Variants in IL1RAPL1 observed in about 807,000 individuals in gnomAD.
The protein encoded by IL1RAPL1 is interleukin-1 receptor accessory protein-like 1.
IL1RAPL1 carries 3 observed loss-of-function variants against 48.4 expected under a neutral mutation model. That is an observed-to-expected ratio of 0.06 (90% CI 0.03 to 0.16). The LOEUF is 0.16. Ranked by LOEUF, IL1RAPL1 falls within the 10% of genes least tolerant of loss-of-function variation. IL1RAPL1 has a pLI of 1.00. For synonymous variants in IL1RAPL1, 185 were observed against 187.7 expected, an observed-to-expected ratio of 0.99 and a Z score of 0.12; for missense variants, 349 against 530.6, an observed-to-expected ratio of 0.66 and a Z score of 3.36.
intron 1 of IL1RAPL1, among the ~76,000 whole-genome samples, chrX:28,615,245 T>G (rs1934205931): frequency 2.3e-5 from 2 of 85,654 alleles, no homozygotes. Flanking sequence ...ACCTACAAAT[T>G]GAATGAAATT....
At chrX:29,087,891 G>A (rs1927990376) in intron 2 of IL1RAPL1, among the ~76,000 whole-genome samples, 1 of 111,414 alleles carries the variant, frequency 9.0e-6, no homozygotes, top group African/African-American at 3.3e-5. Context: ...AAAAATTAAG[G>A]CATGGTAGCA....
chrX:29,048,952 A>G (rs1237511666), intron 2 of IL1RAPL1, among the ~76,000 whole-genome samples: 1 of 112,529 alleles, frequency 8.9e-6, no homozygotes, highest in Non-Finnish European at 1.9e-5. Flanking sequence ...CTTAGAATAG[A>G]CGAAATATAG....
At position 29,381,830 on chromosome X, in the gene IL1RAPL1, AAAAATATATATATATATAT is replaced by A. The variant is rs1356378537; in HGVS notation, c.363-14426_363-14408del. Among the ~76,000 whole-genome samples the A allele has an allele frequency of 4.6e-3, 151 of 32,617 alleles. 1 individual carries two copies. The highest frequency in any genetic ancestry group is 0.011 in the African/African-American group (140 of 13,128). 28.3% of individuals were successfully genotyped at this position (32,617 alleles called of 115,157 possible). A position where few individuals can be genotyped will look rare whatever the true frequency, so the allele number is the denominator to read the frequency against. On this transcript the variant is annotated intron_variant, in intron 3 of 10. Coordinates refer to ENST00000378993, the MANE Select transcript of IL1RAPL1 (RefSeq NM_014271.4). The stretch of plus-strand genomic sequence containing the variant: ...GACTGTTGCCAAAAAAAAAAAAAAA[AAAAATATATATATATATAT>A]ATATATATATATATACATATACTTA...
At chrX:28,669,693 A>T (rs1934926297) in intron 1 of IL1RAPL1, among the ~76,000 whole-genome samples, 1 of 104,494 alleles carries the variant, frequency 9.6e-6, no homozygotes, top group South Asian at 3.8e-4. Context: ...ATATAATTTT[A>T]TATATAAATT....
At chrX:29,188,956 C>T (rs943602367) in intron 2 of IL1RAPL1, among the ~76,000 whole-genome samples, 6 of 111,556 alleles carry the variant, frequency 5.4e-5, no homozygotes, top group Admixed American at 3.8e-4. Context: ...TTATTGCTTG[C>T]AAAATGTTTT....
At chrX:28,792,660 T>C (rs1248972236) in intron 2 of IL1RAPL1, among the ~76,000 whole-genome samples, 1 of 100,169 alleles carries the variant, frequency 1.0e-5, no homozygotes, top group Non-Finnish European at 2.0e-5. Flanking sequence ...TGGTGGCGGG[T>C]GCTTGTAGTC....
At chrX:29,146,491 C>T (rs948772106) in intron 2 of IL1RAPL1, among the ~76,000 whole-genome samples, 15 of 111,282 alleles carry the variant, frequency 1.3e-4, no homozygotes, top group African/African-American at 3.6e-4. Context: ...ACGCAACCAT[C>T]CCATTAGAAA....
At chrX:28,972,744 AC>A (rs1478323509) in intron 2 of IL1RAPL1, among the ~76,000 whole-genome samples, 3 of 111,018 alleles carry the variant, frequency 2.7e-5, no homozygotes, top group Non-Finnish European at 5.7e-5. Context: ...GTCTCAAAAA[AC>A]AAAACAACAA....
At chrX:29,392,288 T>C (rs1933863734) in intron 3 of IL1RAPL1, among the ~76,000 whole-genome samples, 1 of 112,443 alleles carries the variant, frequency 8.9e-6, no homozygotes, top group Non-Finnish European at 1.9e-5. Flanking sequence ...AGGAGCATTC[T>C]CTTTACCCCA....
At chrX:29,650,784 T>C (rs1925493343) in intron 5 of IL1RAPL1, among the ~76,000 whole-genome samples, 1 of 110,649 alleles carries the variant, frequency 9.0e-6, no homozygotes, top group Non-Finnish European at 1.9e-5. Flanking sequence ...AATGGAATTT[T>C]ATCAAACTAA....
intron 2 of IL1RAPL1, among the ~76,000 whole-genome samples, chrX:29,127,725 C>T (rs1368351796): frequency 1.8e-5 from 2 of 111,107 alleles, no homozygotes; most frequent in Non-Finnish European, 3.8e-5. Flanking sequence ...TTTGGGAGTC[C>T]GAGGCGGGTG....
At chrX:28,929,420 A>T in intron 2 of IL1RAPL1, among the ~76,000 whole-genome samples, 1 of 110,588 alleles carries the variant, frequency 9.0e-6, no homozygotes, top group Non-Finnish European at 1.9e-5. Context: ...ATCCTCTCCC[A>T]CTCCTCTCAT....
intron 6 of IL1RAPL1, among the ~76,000 whole-genome samples, chrX:29,771,745 C>T (rs1446140489): frequency 9.0e-6 from 1 of 111,635 alleles, no homozygotes; most frequent in Non-Finnish European, 1.9e-5. Flanking sequence ...TAAAAAGTGT[C>T]AAGAACCAGG....
At chrX:29,426,551 G>A (rs1161131881) in intron 5 of IL1RAPL1, among the ~76,000 whole-genome samples, 3 of 111,423 alleles carry the variant, frequency 2.7e-5, no homozygotes, top group South Asian at 3.7e-4. Flanking sequence ...TACCTAATAC[G>A]TGTAATGTTG....
At chrX:29,697,182 G>A (rs1168734006) in intron 6 of IL1RAPL1, among the ~76,000 whole-genome samples, 1 of 111,768 alleles carries the variant, frequency 8.9e-6, no homozygotes, top group African/African-American at 3.3e-5. Flanking sequence ...CACACACCTG[G>A]CAAGTCACAA....
chrX:29,246,205 AGCAATCAAT>A, intron 2 of IL1RAPL1, among the ~76,000 whole-genome samples: 1 of 82,482 alleles, frequency 1.2e-5, no homozygotes, highest in Non-Finnish European at 2.2e-5. Flanking sequence ...AGATGCCTTT[AGCAATCAAT>A]GCCTCAAGAA....
intron 3 of IL1RAPL1, among the ~76,000 whole-genome samples, chrX:29,359,917 A>G (rs1352183448): frequency 9.0e-6 from 1 of 110,994 alleles, no homozygotes; most frequent in Non-Finnish European, 1.9e-5. Flanking sequence ...CTAGGTAGCC[A>G]TGTTATTACC....
At chrX:29,452,995 G>A (rs1391294986) in intron 5 of IL1RAPL1, among the ~76,000 whole-genome samples, 1 of 97,603 alleles carries the variant, frequency 1.0e-5, no homozygotes, top group African/African-American at 3.9e-5. Context: ...CGCAATCTCG[G>A]CTCACTGCAA....
rs182906002 is a variant in IL1RAPL1 at position 29,208,555 on chromosome X, C to T, written c.83-74383C>T. On this transcript the variant is annotated intron_variant, in intron 2 of 10. Coordinates refer to ENST00000378993, the MANE Select transcript of IL1RAPL1 (RefSeq NM_014271.4). Reference sequence around the variant, plus strand: ...TGAAACTCCATCTCTACTAAAACTACAAAAAATTAGCCGGGCGTGGTGGTG... The same window carrying T: ...TGAAACTCCATCTCTACTAAAACTATAAAAAATTAGCCGGGCGTGGTGGTG... Among the ~76,000 whole-genome samples the T allele has an allele frequency of 1.4e-3, 157 of 108,316 alleles. 2 individuals carry two copies. Among genetic ancestry groups the T allele is most frequent in the African/African-American group, 5.1e-3 (151 of 29,803 alleles). The allele number at this position is 108,316 out of a possible 115,157, so 94.1% of individuals were successfully genotyped here.
Sources: gnomAD v4.1 joint callset for allele counts (sites outside exome capture counted in the v4.1 genomes callset) on GRCh38, gnomAD v4.1.1 for gene constraint, MANE v1.5 for transcripts, NCBI Gene and HGNC (gene_info 2026-07-23, HGNC 2026-07-21) for gene names.